The following CSMD1 variants were observed in gnomAD, a reference collection of about 807,000 sequenced individuals.
CSMD1 encodes CUB and sushi domain-containing protein 1.
A neutral mutation model predicts 417.5 loss-of-function variants in CSMD1; 213 were observed. The ratio of observed to expected loss-of-function variants is 0.51; its 90% CI spans 0.46 to 0.57. The LOEUF is 0.57. CSMD1 is among the 20% of genes least tolerant of loss of function. The pLI, the probability that CSMD1 is intolerant of heterozygous loss-of-function variation, is 0.00. For synonymous variants in CSMD1, 2,862 were observed against 1,736.8 expected, an observed-to-expected ratio of 1.65 and a Z score of -16.11; for missense variants, 6,923 against 4,529.7, an observed-to-expected ratio of 1.53 and a Z score of -15.17.
At chr8:4,635,502 T>C (rs934027286) in intron 2 of CSMD1, among the ~76,000 whole-genome samples, 18 of 152,020 alleles carry the variant, frequency 1.2e-4, no homozygotes, top group African/African-American at 4.3e-4. Context: ...CTAGAGTAAA[T>C]AAAAATATTG....
At chr8:4,972,661 G>A (rs1268553270) in intron 1 of CSMD1, among the ~76,000 whole-genome samples, 8 of 151,600 alleles carry the variant, frequency 5.3e-5, no homozygotes, top group Admixed American at 5.3e-4. Context: ...AATATTCAAA[G>A]ACAAATCGTT....
intron 3 of CSMD1, among the ~76,000 whole-genome samples, chr8:4,036,403 A>G (rs938467016): frequency 6.6e-6 from 1 of 152,212 alleles, no homozygotes; most frequent in Non-Finnish European, 1.5e-5. Context: ...GTAGAAATGT[A>G]TTGACTTACA....
In CSMD1 at chr8:4,092,616, G is replaced by C. The variant is rs775356529; in HGVS notation, c.416-60517C>G. ...AGCATATCATCTTAAGCAATTATGA[G>C]AAGAATGACGTGAATTAAGAATGTA... On this transcript the variant is annotated intron_variant, in intron 3 of 69. Transcript: ENST00000635120. Among the ~76,000 whole-genome samples the C allele has an allele frequency of 6.6e-5, 10 of 152,236 alleles. No individual in the cohort carries two copies. The East Asian group carries it at 1.5e-3, about 23-fold the overall frequency.
intron 2 of CSMD1, among the ~76,000 whole-genome samples, chr8:4,456,082 A>T (rs1799461712): frequency 2.3e-5 from 3 of 130,802 alleles, no homozygotes; most frequent in South Asian, 5.0e-4. Flanking sequence ...AAAAAAAAAA[A>T]TGTGAAAGTA....
chr8:4,380,309 G>A lies in CSMD1; in HGVS notation c.415+39644C>T, dbSNP rs558470324. 3.0e-3 allele frequency among the ~76,000 whole-genome samples: 463 copies of A among 152,248 alleles called. 1 individual carries two copies. The highest frequency in any genetic ancestry group is 5.2e-3 in the Non-Finnish European group (355 of 68,024). ...TCAGCATCTGCAGTGCTGAGCCACA[G>A]TGATAGCACACCCTCCTTACATTGT... On this transcript the variant is annotated intron_variant, in intron 3 of 69. Coordinates refer to ENST00000635120, the MANE Select transcript of CSMD1 (RefSeq NM_033225.6).
intron 38 of CSMD1, among the ~76,000 whole-genome samples, 153 bp downstream of exon 38, chr8:3,162,006 C>T (rs918748892): frequency 2.6e-5 from 4 of 152,250 alleles, no homozygotes; most frequent in East Asian, 1.9e-4. Context: ...CAAATGGTGA[C>T]GAAGATGACC....
At chr8:3,209,320 T>C (rs1420336629) in intron 30 of CSMD1, among the ~76,000 whole-genome samples, 2 of 151,648 alleles carry the variant, frequency 1.3e-5, no homozygotes, top group African/African-American at 2.4e-5. Context: ...TATTTATTTA[T>C]ATTTATTTAT....
intron 3 of CSMD1, among the ~76,000 whole-genome samples, chr8:4,278,773 G>C (rs10503247): frequency 0.083 from 12,682 of 152,246 alleles, 669 homozygotes; most frequent in Non-Finnish European, 0.12. Flanking sequence ...AAAGAGCCAA[G>C]TGTGATTATG....
chr8:3,733,842 T>C (rs577491984), intron 6 of CSMD1, among the ~76,000 whole-genome samples: 9 of 152,186 alleles, frequency 5.9e-5, no homozygotes, highest in Non-Finnish European at 1.0e-4. Context: ...ATTGTTTATC[T>C]CATATGTGCC....
intron 26 of CSMD1, among the ~76,000 whole-genome samples, chr8:3,283,819 T>TG (rs1212926301): frequency 6.6e-6 from 1 of 152,248 alleles, no homozygotes; most frequent in Non-Finnish European, 1.5e-5. Context: ...ATCATACTTC[T>TG]GCACGACTAT....
intron 41 of CSMD1, among the ~76,000 whole-genome samples, chr8:3,126,930 A>G (rs540443959): frequency 6.6e-6 from 1 of 152,302 alleles, no homozygotes; most frequent in Non-Finnish European, 1.5e-5. Context: ...GCCTTCACCT[A>G]GGAGACGGGT....
chr8:3,229,121 C>A (rs1203676001), intron 27 of CSMD1, among the ~76,000 whole-genome samples: 4 of 152,082 alleles, frequency 2.6e-5, no homozygotes, highest in South Asian at 2.1e-4. Flanking sequence ...AGAATTTCAC[C>A]ACCGCTGTGT....
intron 25 of CSMD1, among the ~76,000 whole-genome samples, chr8:3,289,735 C>T (rs1267796122): frequency 5.4e-5 from 8 of 147,172 alleles, no homozygotes; most frequent in African/African-American, 1.1e-4. Context: ...AGCCCTTTGT[C>T]AGATGAGGAG....
intron 6 of CSMD1, among the ~76,000 whole-genome samples, chr8:3,709,500 G>C (rs1801373633): frequency 6.6e-6 from 1 of 151,968 alleles, no homozygotes; most frequent in Non-Finnish European, 1.5e-5. Flanking sequence ...GGGGGTGTCT[G>C]TGAGAATGTC....
intron 2 of CSMD1, among the ~76,000 whole-genome samples, chr8:4,470,758 T>C (rs1289373459): frequency 6.6e-6 from 1 of 152,210 alleles, no homozygotes; most frequent in Non-Finnish European, 1.5e-5. Flanking sequence ...AATGACTTAA[T>C]TGGACCCAGA....
chr8:3,964,442 G>A (rs1233774855), intron 5 of CSMD1, among the ~76,000 whole-genome samples: 1 of 152,098 alleles, frequency 6.6e-6, no homozygotes, highest in African/African-American at 2.4e-5. Flanking sequence ...ATCAGCCAGT[G>A]GAAGGAGACA....
At chr8:3,760,801 A>G (rs2129055882) in intron 5 of CSMD1, among the ~76,000 whole-genome samples, 1 of 152,316 alleles carries the variant, frequency 6.6e-6, no homozygotes. Context: ...AGTCTCTTTA[A>G]CTATGATGAC....
chr8:4,556,584 A>T (rs944961648), intron 2 of CSMD1, among the ~76,000 whole-genome samples: 7 of 152,236 alleles, frequency 4.6e-5, no homozygotes, highest in Non-Finnish European at 8.8e-5. Flanking sequence ...AATAGCAAAG[A>T]ATAAACGAAT....
At chr8:3,534,891 A>G (rs1017835573) in intron 10 of CSMD1, among the ~76,000 whole-genome samples, 4 of 152,192 alleles carry the variant, frequency 2.6e-5, no homozygotes, top group Non-Finnish European at 5.9e-5. Context: ...CTTGGTACAA[A>G]TGGTTTAGTC....
Sources: gnomAD v4.1 joint callset for allele counts (sites outside exome capture counted in the v4.1 genomes callset) on GRCh38, gnomAD v4.1.1 for gene constraint, MANE v1.5 for transcripts, NCBI Gene and HGNC (gene_info 2026-07-23, HGNC 2026-07-21) for gene names.